The following CA5B variants were observed in gnomAD, a reference collection of about 807,000 sequenced individuals.
The protein encoded by CA5B is carbonic anhydrase 5B, also known as carbonic anhydrase 5B, mitochondrial.
CA5B carries 15 observed loss-of-function variants against 23.1 expected under a neutral mutation model. That is an observed-to-expected ratio of 0.65 (90% confidence interval 0.43 to 1.00). The LOEUF is 1.00. Ranked by LOEUF, CA5B falls within the 50% of genes least tolerant of loss-of-function variation. The pLI is 0.00. For missense variants in CA5B, 236 were observed against 252.2 expected, an observed-to-expected ratio of 0.94 and a Z score of 0.43; for synonymous variants, 84 against 98.5, an observed-to-expected ratio of 0.85 and a Z score of 0.87.
rs181513505 is a variant in CA5B at position 15,752,084 on chromosome X, C to T, written c.142+1919C>T. ...CCTCAAGAGGTCCTGAGAACACATGCCCAAGGTGGTTGGGTTACAGCATGG... is the reference window on the plus strand; with the variant it reads ...CCTCAAGAGGTCCTGAGAACACATGTCCAAGGTGGTTGGGTTACAGCATGG... On this transcript the variant is annotated intron_variant, in intron 2 of 7. Transcript: ENST00000318636. Among the ~76,000 whole-genome samples the T allele has an allele frequency of 6.3e-4, 70 of 111,614 alleles. 5 individuals are homozygous for T. Among genetic ancestry groups the T allele is most frequent in the East Asian group, 2.8e-4 (1 of 3,568 alleles).
intron 4 of CA5B, among the ~76,000 whole-genome samples, chrX:15,773,363 C>T (rs893539782): frequency 1.9e-5 from 2 of 107,947 alleles, no homozygotes; most frequent in Non-Finnish European, 3.8e-5. Context: ...GCAATCCTCC[C>T]ACCTCAAGAC....
chrX:15,767,112 A>G (rs1931724457), intron 3 of CA5B: 1 of 851,783 alleles, frequency 1.2e-6, no homozygotes, highest in South Asian at 3.3e-5. Flanking sequence ...TAGGATACCA[A>G]CCCTCATCCA....
intron 2 of CA5B, among the ~76,000 whole-genome samples, chrX:15,760,376 G>A (rs1398229708): frequency 9.0e-6 from 1 of 111,446 alleles, no homozygotes; most frequent in Non-Finnish European, 1.9e-5. Context: ...CAGTGAGTTG[G>A]ATGGTCTAAC....
chrX:15,760,624 G>A (rs748338665), intron 2 of CA5B, among the ~76,000 whole-genome samples: 1 of 111,572 alleles, frequency 9.0e-6, no homozygotes, highest in African/African-American at 3.3e-5. Context: ...CGTCGTCTTA[G>A]GGACCTAATC....
intron 2 of CA5B, among the ~76,000 whole-genome samples, chrX:15,758,267 A>G (rs1207488666): frequency 3.6e-5 from 4 of 111,712 alleles, no homozygotes; most frequent in African/African-American, 9.8e-5. Context: ...CCAAGGTGCC[A>G]GTAGATTCAG....
intron 3 of CA5B, chrX:15,764,979 TTTAA>T: frequency 2.0e-6 from 1 of 503,163 alleles, no homozygotes; most frequent in Non-Finnish European, 3.2e-6. Context: ...AGGTAGTATT[TTTAA>T]TTAATAAATA....
intron 1 of CA5B, among the ~76,000 whole-genome samples, chrX:15,740,260 A>C (rs1158161768): frequency 8.9e-6 from 1 of 112,313 alleles, no homozygotes; most frequent in Non-Finnish European, 1.9e-5. Context: ...ATGTACGGAC[A>C]GATTCTCCCT....
chrX:15,752,542 G>GCA (rs201210359), intron 2 of CA5B, among the ~76,000 whole-genome samples: 1 of 109,743 alleles, frequency 9.1e-6, no homozygotes, highest in Non-Finnish European at 1.9e-5. Context: ...TGGCTAACAC[G>GCA]GTGAAACCCC....
rs1416157043 is a variant in CA5B at position 15,768,555 on chromosome X, T to G, written c.340+3780T>G. ...ACTGATAGCCCTTTTAAATTATGCT[T>G]TAATAATTATTTTCTTTAAGATAGC... On this transcript the variant is annotated intron_variant, in intron 3 of 7. Transcript: ENST00000318636. 6 of 111,825 alleles carry G rather than the reference T, an allele frequency of 5.4e-5. No homozygotes were observed. The East Asian group carries it at 1.7e-3, about 31-fold the overall frequency. 9.2% of individuals were successfully genotyped at this position (111,825 alleles called of 1,213,427 possible). A position where few individuals can be genotyped will look rare whatever the true frequency, so the allele number is the denominator to read the frequency against.
rs765157469 is a variant in CA5B, at chrX:15,752,617, A to T, written c.142+2452A>T. ...GTGGGCGCCTGCAGTCCCAGCTACT[A>T]AGGATGCTGAGGCATGAGAATGGCG... is the stretch of plus-strand genomic sequence containing the variant. On this transcript the variant is annotated intron_variant, in intron 2 of 7. Coordinates refer to ENST00000318636, the MANE Select transcript of CA5B (RefSeq NM_007220.4). Among the ~76,000 whole-genome samples, 18 of 110,746 alleles carry T rather than the reference A, an allele frequency of 1.6e-4. No individual in the cohort carries two copies. In the East Asian group the frequency reaches 4.0e-3, roughly 25 times the overall value.
rs1932131618 is a variant in CA5B at position 15,787,135 on chromosome X, C to T, written c.*4471C>T. ...CCACAGCCTGCCTTGGGTTATATAC[C>T]ATAGGAGCCACATAACTCATTGGGC... On this transcript the variant is annotated 3_prime_UTR_variant, in exon 8 of 8. Transcript: ENST00000318636. 9.0e-6 allele frequency: 1 copy of T among 111,541 alleles called. No individual in the cohort carries two copies. Among genetic ancestry groups the T allele is most frequent in the African/African-American group, 3.3e-5 (1 of 30,649 alleles). 9.2% of individuals were successfully genotyped at this position (111,541 alleles called of 1,213,427 possible).
intron 1 of CA5B, among the ~76,000 whole-genome samples, chrX:15,741,750 A>T (rs1301375712): frequency 4.5e-5 from 5 of 111,614 alleles, no homozygotes; most frequent in Non-Finnish European, 9.4e-5. Flanking sequence ...TGCTGGGATT[A>T]CAGATGTGAG....
intron 3 of CA5B, chrX:15,766,959 A>G: frequency 2.7e-6 from 1 of 370,033 alleles, no homozygotes; most frequent in Non-Finnish European, 4.8e-6. Flanking sequence ...CCTTGTTTAT[A>G]CGGATTCCAG....
intron 2 of CA5B, among the ~76,000 whole-genome samples, chrX:15,761,885 GA>G (rs1313266167): frequency 8.9e-6 from 1 of 112,096 alleles, no homozygotes; most frequent in Non-Finnish European, 1.9e-5. Context: ...GAAAACCACT[GA>G]TTTAGGCACT....
In CA5B at chrX:15,788,214, G is replaced by A. The variant is rs1932150469; in HGVS notation, c.*5550G>A. 1 of 111,633 alleles carries A rather than the reference G, an allele frequency of 9.0e-6. No individual in the cohort carries two copies. The highest frequency in any genetic ancestry group is 9.5e-5 in the Admixed American group (1 of 10,481). The allele number at this position is 111,633 out of a possible 1,213,427, so 9.2% of individuals were successfully genotyped here. On this transcript the variant is annotated 3_prime_UTR_variant, in exon 8 of 8. Coordinates refer to ENST00000318636, the MANE Select transcript of CA5B (RefSeq NM_007220.4). ...AACCATGATAGATGTTATAAAAGGT[G>A]GAATACTTGTACTGGAAATGCATAC...
At chrX:15,781,579 T>C (rs761737599) in intron 7 of CA5B, among the ~76,000 whole-genome samples, 4 of 111,519 alleles carry the variant, frequency 3.6e-5, no homozygotes, top group Non-Finnish European at 7.5e-5. Flanking sequence ...GAAAGTTCTA[T>C]TGGACAGCAC....
At chrX:15,777,374 C>A (rs748694300) in intron 7 of CA5B, among the ~76,000 whole-genome samples, 1 of 111,643 alleles carries the variant, frequency 9.0e-6, no homozygotes, top group South Asian at 3.7e-4. Context: ...TGCAAACACT[C>A]AAAATCCTGT....
chrX:15,769,166 C>G (rs1259349649), intron 3 of CA5B, among the ~76,000 whole-genome samples: 1 of 111,117 alleles, frequency 9.0e-6, no homozygotes, highest in African/African-American at 3.3e-5. Context: ...TTGGGAAGAT[C>G]AACAAAGTTC....
intron 1 of CA5B, among the ~76,000 whole-genome samples, chrX:15,746,953 C>T (rs750121021): frequency 9.0e-6 from 1 of 111,563 alleles, no homozygotes; most frequent in East Asian, 2.8e-4. Context: ...GACTCTGAGC[C>T]AGAGGCTGCA....
Sources: gnomAD v4.1 joint callset for allele counts (sites outside exome capture counted in the v4.1 genomes callset) on GRCh38, gnomAD v4.1.1 for gene constraint, MANE v1.5 for transcripts, NCBI Gene and HGNC (gene_info 2026-07-23, HGNC 2026-07-21) for gene names.